The following DRICH1 variants were observed in gnomAD, a reference collection of about 807,000 sequenced individuals.
DRICH1 encodes the protein aspartate rich 1.
In DRICH1, 38 loss-of-function variants were observed where a neutral mutation model predicts 39.5. The ratio of observed to expected loss-of-function variants is 0.96; its 90% CI spans 0.74 to 1.26. The LOEUF is 1.26. Ranked by LOEUF, DRICH1 falls within the 50% of genes most tolerant of loss-of-function variation. The pLI is 0.00. For missense variants in DRICH1, 279 were observed against 270.4 expected, an observed-to-expected ratio of 1.03 and a Z score of -0.22; for synonymous variants, 84 against 99.5, an observed-to-expected ratio of 0.84 and a Z score of 0.93.
the DRICH1 span, among the ~76,000 whole-genome samples, chr22:23,592,400 G>A: frequency 4.6e-5 from 7 of 152,132 alleles, no homozygotes; most frequent in African/African-American, 4.8e-5. Context: ...ACTGGGGGGG[G>A]GCGGTCCATG....
At chr22:23,614,649 T>C (rs1569088949) in intron 8 of DRICH1, among the ~76,000 whole-genome samples, 1 of 152,242 alleles carries the variant, frequency 6.6e-6, no homozygotes, top group African/African-American at 2.4e-5. Context: ...AATCATATTT[T>C]ATTTTGAAAT....
chr22:23,595,975 C>T, the DRICH1 span, among the ~76,000 whole-genome samples: 2 of 152,212 alleles, frequency 1.3e-5, no homozygotes, highest in East Asian at 3.8e-4. Flanking sequence ...TCCCTGCATT[C>T]CCGCTCCAAA....
In DRICH1 at chr22:23,621,957, CAAAG is replaced by C. The variant is rs376639070; in HGVS notation, c.384+130_384+133del. 1.4e-3 allele frequency: 1,156 copies of C among 839,458 alleles called. 11 individuals are homozygous for C. The African/African-American group carries it at 0.017, about 12-fold the overall frequency. 52.0% of individuals were successfully genotyped at this position (839,458 alleles called of 1,614,324 possible). On this transcript the variant is annotated intron_variant, in intron 4 of 11. Transcript: ENST00000317749. ...AAAAGAAAAGAAAAGAAAAAAGAAA[CAAAG>C]AAAGGAAAGAAAATCTCACTTTTGT...
At chr22:23,604,336 C>T (rs540584918), downstream of DRICH1, among the ~76,000 whole-genome samples, 5 of 152,256 alleles carry the variant, frequency 3.3e-5, no homozygotes, top group Admixed American at 1.3e-4. Flanking sequence ...GCCAGGTGTC[C>T]CCTGCACCTG....
downstream of DRICH1, among the ~76,000 whole-genome samples, chr22:23,606,834 A>G (rs1210191714): frequency 7.9e-5 from 12 of 152,010 alleles, no homozygotes; most frequent in Admixed American, 7.2e-4. Context: ...CTCTCATTCA[A>G]CTGCTGACAT....
chr22:23,592,035 G>A, the DRICH1 span, among the ~76,000 whole-genome samples: 4 of 152,198 alleles, frequency 2.6e-5, no homozygotes, highest in Non-Finnish European at 4.4e-5. Context: ...CTGTGGCTAC[G>A]CGAGGGGTGT....
At chr22:23,611,553 A>G (rs991082193) in intron 11 of DRICH1, among the ~76,000 whole-genome samples, 1 of 151,758 alleles carries the variant, frequency 6.6e-6, no homozygotes, top group Admixed American at 6.6e-5. Flanking sequence ...CACCACACCC[A>G]GCTAATGTTT....
chr22:23,620,758 C>T, intron 4 of DRICH1, 143 bp from the exon 5 acceptor site: 1 of 894,362 alleles, frequency 1.1e-6, no homozygotes, highest in South Asian at 1.4e-5. Flanking sequence ...AACATTCTAG[C>T]ATAGAGAACA....
chr22:23,621,212 C>A lies in DRICH1; in HGVS notation c.385-597G>T, dbSNP rs149603501. Among the ~76,000 whole-genome samples, 4 of 151,760 alleles carry A rather than the reference C, an allele frequency of 2.6e-5. No individual in the cohort carries two copies. In the East Asian group the frequency reaches 7.7e-4, roughly 29 times the overall value. ...GATGGGCAATGCCTGCTTGTTGGGC[C>A]CCCTCTCCTCCCCACTTAATTGCCC... On this transcript the variant is annotated intron_variant, in intron 4 of 11. Transcript: ENST00000317749.
At chr22:23,624,793 T>C (rs2123790341) in intron 3 of DRICH1, 90 bp downstream of exon 3, 1 of 1,457,048 alleles carries the variant, frequency 6.9e-7, no homozygotes, top group Non-Finnish European at 9.6e-7. Flanking sequence ...AGACCCCCAA[T>C]ATTTTTTAAC....
chr22:23,616,962 A>T lies in DRICH1; in HGVS notation c.520-88T>A, dbSNP rs184177364. 7.5e-6 allele frequency: 11 copies of T among 1,473,800 alleles called. No individual in the cohort carries two copies. The Admixed American group carries it at 1.2e-4, about 16-fold the overall frequency. The allele number at this position is 1,473,800 out of a possible 1,614,324, so 91.3% of individuals were successfully genotyped here. ...GATCTGTTAGTCTCTTGATGACTTCACAAAACTATTTGTAAGACAGTGGTA... is the reference window on the plus strand; with the variant it reads ...GATCTGTTAGTCTCTTGATGACTTCTCAAAACTATTTGTAAGACAGTGGTA... On this transcript the variant is annotated intron_variant, in intron 7 of 11. Transcript: ENST00000317749.
chr22:23,603,626 G>A (rs1926583804), downstream of DRICH1, among the ~76,000 whole-genome samples: 1 of 152,020 alleles, frequency 6.6e-6, no homozygotes, highest in Non-Finnish European at 1.5e-5. Flanking sequence ...CCTCTCCACT[G>A]GCACTGCTGC....
At chr22:23,589,752 T>C in the DRICH1 span, among the ~76,000 whole-genome samples, 1 of 152,272 alleles carries the variant, frequency 6.6e-6, no homozygotes, top group East Asian at 1.9e-4. Flanking sequence ...TACTACCCAC[T>C]GGGTAGTCTC....
chr22:23,587,640 C>G, the DRICH1 span, among the ~76,000 whole-genome samples: 1 of 152,294 alleles, frequency 6.6e-6, no homozygotes, highest in South Asian at 2.1e-4. Flanking sequence ...ATCTGAGAAC[C>G]AACTAGCAAT....
At chr22:23,627,261 T>G (rs1402922451) in intron 1 of DRICH1, among the ~76,000 whole-genome samples, 1 of 151,946 alleles carries the variant, frequency 6.6e-6, no homozygotes, top group Non-Finnish European at 1.5e-5. Context: ...TTAGTAGAGA[T>G]GGGGTTTCAC....
the DRICH1 span, among the ~76,000 whole-genome samples, chr22:23,594,710 C>G: frequency 0.86 from 129,765 of 151,340 alleles, 55,924 homozygotes; most frequent in African/African-American, 0.96. Flanking sequence ...AACATAGAAA[C>G]GAACATCTGG....
chr22:23,583,801 C>T, the DRICH1 span: 1 of 152,636 alleles, frequency 6.6e-6, no homozygotes, highest in Admixed American at 6.5e-5. Context: ...GACCCTGGCT[C>T]CTCTCACCTT....
At chr22:23,604,570 C>T (rs1926631942), downstream of DRICH1, among the ~76,000 whole-genome samples, 2 of 152,196 alleles carry the variant, frequency 1.3e-5, no homozygotes, top group African/African-American at 4.8e-5. Context: ...CTGGTCTCAG[C>T]CTGGCACCCA....
chr22:23,582,286 T>A, the DRICH1 span, among the ~76,000 whole-genome samples: 19 of 151,612 alleles, frequency 1.3e-4, no homozygotes, highest in Admixed American at 2.6e-4. Flanking sequence ...TTTTTCTTTT[T>A]TTTTTTTGAG....
Sources: gnomAD v4.1 joint callset for allele counts (sites outside exome capture counted in the v4.1 genomes callset) on GRCh38, gnomAD v4.1.1 for gene constraint, MANE v1.5 for transcripts, NCBI Gene and HGNC (gene_info 2026-07-23, HGNC 2026-07-21) for gene names.